Variants in SLC29A1 observed in about 807,000 individuals in gnomAD.
SLC29A1 encodes solute carrier family 29 member 1 (Augustine blood group).
In SLC29A1, 22 loss-of-function variants were observed where a neutral mutation model predicts 48.3. The ratio of observed to expected loss-of-function variants is 0.46; its 90% CI spans 0.33 to 0.65. The LOEUF (loss-of-function observed/expected upper bound fraction) is 0.65, where lower values mean the gene tolerates loss of function less well. Ranked by LOEUF, SLC29A1 falls within the 30% of genes least tolerant of loss-of-function variation. The pLI is 0.03. For missense variants in SLC29A1, 491 were observed against 575.3 expected, an observed-to-expected ratio of 0.85 and a Z score of 1.50; for synonymous variants, 228 against 231.0, an observed-to-expected ratio of 0.99 and a Z score of 0.12.
rs768360335 is a variant in SLC29A1, at chr6:44,232,376, C to T, written c.1007C>T (p.Thr336Ile). 2 of 1,613,718 alleles carry T rather than the reference C, an allele frequency of 1.2e-6. No homozygotes were observed. The highest frequency in any genetic ancestry group is 2.2e-5 in the East Asian group (1 of 44,880). The change falls in exon 11 of 13, where the codon ACT (threonine) becomes ATT (isoleucine). Residue 336 changes from threonine (T) to isoleucine (I), a missense_variant. Thr to Ile is a moderately conservative substitution (Grantham distance 89). Transcript: ENST00000371755. This position sits in a 1 kb window ranked among gnomAD's most constrained non-coding sequence, Gnocchi z 4.7. ...TTCATTCCTGTGTCCTGTTTCTTGA[C>T]TTTCAATATCTTTGACTGGTTGGGC... ...RYFIPVSCFL[T>I]FNIFDWLGRS...
intron 1 of SLC29A1, chr6:44,227,060 G>A (rs894728352): frequency 7.3e-7 from 1 of 1,368,016 alleles, no homozygotes; most frequent in Non-Finnish European, 9.4e-7. Flanking sequence ...AGCAGGCAGG[G>A]GGGCCGCGCA....
rs371621321 is a variant in SLC29A1 at position 44,233,464 on chromosome 6, T to C, written c.1307T>C (p.Phe436Ser). The C allele has an allele frequency of 1.2e-6, 2 of 1,614,036 alleles. No individual in the cohort carries two copies. The highest frequency in any genetic ancestry group is 2.2e-5 in the East Asian group (1 of 44,894). Residue 436 changes from phenylalanine to serine, a missense_variant, in exon 13 of 13, where the codon TTC becomes TCC. Transcript: ENST00000371755. ...GAGACCGCAGGAGCCATCATGGCCT[T>C]CTTCCTGTGTCTGGGTCTGGCACTG... ...EAETAGAIMA[F>S]FLCLGLALGA... is the part of the protein sequence containing the mutation.
Position 44,230,418 on chromosome 6 carries a change from A to G in SLC29A1, c.526A>G (p.Ile176Val), listed in dbSNP as rs1778562299. The G allele has an allele frequency of 6.2e-7, 1 of 1,613,980 alleles. No homozygotes were observed. The highest frequency in any genetic ancestry group is 1.3e-5 in the African/African-American group (1 of 74,926). ...TCTGCCTGCCAGCTACACGGCCCCCATCATGAGTGGCCAGGGCCTAGCAGG... is the reference window on the plus strand; with the variant it reads ...TCTGCCTGCCAGCTACACGGCCCCCGTCATGAGTGGCCAGGGCCTAGCAGG... Reference protein sequence around the residue: ...GLLPASYTAPIMSGQGLAGFF... With the variant: ...GLLPASYTAPVMSGQGLAGFF... Residue 176 changes from isoleucine (I) to valine (V), a missense_variant, in exon 6 of 13, where the codon ATC becomes GTC. By Grantham distance (29) the Ile-to-Val change is conservative. Coordinates refer to ENST00000371755, the MANE Select transcript of SLC29A1 (RefSeq NM_001372327.1).
upstream of SLC29A1, chr6:44,223,422 T>G: frequency 2.2e-6 from 1 of 464,272 alleles, no homozygotes; most frequent in Non-Finnish European, 2.6e-6. This position sits in a 1 kb window ranked among gnomAD's most constrained non-coding sequence, Gnocchi z 5.0. Flanking sequence ...CAGGCGGCCC[T>G]GGGGGCGCAG....
At chr6:44,224,240 A>G (rs369164392) in intron 1 of SLC29A1, among the ~76,000 whole-genome samples, 1 of 150,948 alleles carries the variant, frequency 6.6e-6, no homozygotes, top group Non-Finnish European at 1.5e-5. Context: ...GCTGGCTCCA[A>G]CCCTGCCCTC....
Position 44,232,015 on chromosome 6 carries a change from C to G in SLC29A1, c.882C>G (p.Phe294Leu). ...CTATCTAGATCTCAGTCCTGGCTTT[C>G]TCTGTCTGCTTCATCTTCACTATCA... Reference protein sequence around the residue: ...AILKNISVLAFSVCFIFTITI... With the variant: ...AILKNISVLALSVCFIFTITI... Residue 294 changes from phenylalanine (F) to leucine (L), a missense_variant, in exon 10 of 13, where the codon TTC becomes TTG. Coordinates refer to ENST00000371755, the MANE Select transcript of SLC29A1 (RefSeq NM_001372327.1). The surrounding 1 kb of genome is among the most constrained non-coding windows in gnomAD (Gnocchi z 4.7). The G allele has an allele frequency of 5.0e-6, 8 of 1,613,738 alleles. No individual in the cohort carries two copies. Among genetic ancestry groups the G allele is most frequent in the East Asian group, 2.2e-5 (1 of 44,870 alleles).
rs779732189 is a variant in SLC29A1 at position 44,229,828 on chromosome 6, C to G, written c.314+37C>G. 10 of 1,609,892 alleles carry G rather than the reference C, an allele frequency of 6.2e-6. No individual in the cohort carries two copies. In the African/African-American group the frequency reaches 1.2e-4, roughly 19 times the overall value. ...CCCCCTCCCCAGCCCCCAGCCTGAC[C>G]CTCACTGTGTCCTGCACCCCCTTGG... On this transcript the variant is annotated intron_variant, in intron 4 of 12. Transcript: ENST00000371755. The surrounding 1 kb of genome is among the most constrained non-coding windows in gnomAD (Gnocchi z 5.1).
In SLC29A1 at chr6:44,223,804, C is replaced by G. The variant is rs1447360976; in HGVS notation, c.-52+163C>G. Reference sequence around the variant, plus strand: ...GCGGAGCGTGCGGAGCCGCGCAGCACGTGGCGCGCACGGGCCAGGGAGCCT... The same window carrying G: ...GCGGAGCGTGCGGAGCCGCGCAGCAGGTGGCGCGCACGGGCCAGGGAGCCT... On this transcript the variant is annotated intron_variant, in intron 1 of 12. Transcript: ENST00000371755. This position sits in a 1 kb window ranked among gnomAD's most constrained non-coding sequence, Gnocchi z 5.0. The G allele has an allele frequency of 9.8e-7, 1 of 1,019,048 alleles. No homozygotes were observed. The highest frequency in any genetic ancestry group is 1.7e-5 in the African/African-American group (1 of 57,382). The allele number at this position is 1,019,048 out of a possible 1,614,324, so 63.1% of individuals were successfully genotyped here. A position where few individuals can be genotyped will look rare whatever the true frequency, so the allele number is the denominator to read the frequency against.
Position 44,232,652 on chromosome 6 carries a change from A to G in SLC29A1, c.1060-155A>G, listed in dbSNP as rs1375635651. On this transcript the variant is annotated intron_variant, in intron 11 of 12. Coordinates refer to ENST00000371755, the MANE Select transcript of SLC29A1 (RefSeq NM_001372327.1). This position sits in a 1 kb window ranked among gnomAD's most constrained non-coding sequence, Gnocchi z 4.7. The stretch of plus-strand genomic sequence containing the variant: ...ATGTAGAATATTTCCAGCACTCCAG[A>G]AGGCTCCACCATGCCCCTTTCAAGA... 4 of 699,390 alleles carry G rather than the reference A, an allele frequency of 5.7e-6. No homozygotes were observed. The highest frequency in any genetic ancestry group is 9.7e-6 in the Non-Finnish European group (4 of 412,356). 43.3% of individuals were successfully genotyped at this position (699,390 alleles called of 1,614,324 possible).
At chr6:44,228,941 C>T (rs1370097260) in intron 2 of SLC29A1, among the ~76,000 whole-genome samples, 2 of 152,230 alleles carry the variant, frequency 1.3e-5, no homozygotes, top group African/African-American at 2.4e-5. Flanking sequence ...AGAATCCTCT[C>T]TGGGGAGTAA....
In SLC29A1 at chr6:44,229,179, C is replaced by G. The variant is rs1778259133; in HGVS notation, c.30-211C>G. 6.6e-6 allele frequency among the ~76,000 whole-genome samples: 1 copy of G among 152,200 alleles called. No individual in the cohort carries two copies. Among genetic ancestry groups the G allele is most frequent in the Admixed American group, 6.5e-5 (1 of 15,288 alleles). Reference sequence around the variant, plus strand: ...AGCCATGCCATTCAGTCCTATGACCCTGACCCCATCCCCACCCCAAATTCC... The same window carrying G: ...AGCCATGCCATTCAGTCCTATGACCGTGACCCCATCCCCACCCCAAATTCC... On this transcript the variant is annotated intron_variant, in intron 2 of 12. Coordinates refer to ENST00000371755, the MANE Select transcript of SLC29A1 (RefSeq NM_001372327.1). This position sits in a 1 kb window ranked among gnomAD's most constrained non-coding sequence, Gnocchi z 5.1.
chr6:44,232,765 T>C lies in SLC29A1; in HGVS notation c.1060-42T>C. 1.3e-6 allele frequency: 2 copies of C among 1,586,784 alleles called. No individual in the cohort carries two copies. Among genetic ancestry groups the C allele is most frequent in the Non-Finnish European group, 1.7e-6 (2 of 1,166,886 alleles). ...GATCCTTGGGGGCCTGGCTGTGCCC[T>C]GGGGTGGCGGCCTGGGCTGAGGCCC... On this transcript the variant is annotated intron_variant, in intron 11 of 12. Transcript: ENST00000371755. This position sits in a 1 kb window ranked among gnomAD's most constrained non-coding sequence, Gnocchi z 4.7.
At chr6:44,221,507 G>A (rs536501386), upstream of SLC29A1, 7 of 690,626 alleles carry the variant, frequency 1.0e-5, no homozygotes, top group South Asian at 6.1e-5. The surrounding 1 kb of genome is among the most constrained non-coding windows in gnomAD (Gnocchi z 4.2). Flanking sequence ...GCCAAGCCAC[G>A]GTCCCATATA....
upstream of SLC29A1, among the ~76,000 whole-genome samples, chr6:44,222,812 C>T (rs541479874): frequency 6.6e-6 from 1 of 152,370 alleles, no homozygotes; most frequent in East Asian, 1.9e-4. Context: ...AAGGCTGTTC[C>T]TAGCTTTTTC....
At chr6:44,226,655 C>A in intron 1 of SLC29A1, 10 of 776,510 alleles carry the variant, frequency 1.3e-5, no homozygotes, top group Non-Finnish European at 1.6e-5. Flanking sequence ...CAGGAGAGGA[C>A]AGCCCCACTC....
intron 1 of SLC29A1, among the ~76,000 whole-genome samples, chr6:44,225,416 G>C (rs539528033): frequency 2.0e-5 from 3 of 150,508 alleles, no homozygotes; most frequent in African/African-American, 7.3e-5. Flanking sequence ...TGAGGCAGGA[G>C]AATCACTTGA....
At position 44,229,207 on chromosome 6, in the gene SLC29A1, C is replaced by A. The variant is rs929999513; in HGVS notation, c.30-183C>A. Among the ~76,000 whole-genome samples, 5 of 152,040 alleles carry A rather than the reference C, an allele frequency of 3.3e-5. No individual in the cohort carries two copies. Among genetic ancestry groups the A allele is most frequent in the African/African-American group, 1.2e-4 (5 of 41,432 alleles). ...ACCCCATCCCCACCCCAAATTCCAA[C>A]GAGCAATGTACCCTTTTCTCCCCCC... On this transcript the variant is annotated intron_variant, in intron 2 of 12. Transcript: ENST00000371755. This position sits in a 1 kb window ranked among gnomAD's most constrained non-coding sequence, Gnocchi z 5.1.
In SLC29A1 at chr6:44,223,678, G is replaced by T; in HGVS notation, c.-52+37G>T. ...GGCCGGGGACTGGGGACTGGGGACTGCCGGGGCGGAAGACGCCGCTGCCCG... is the reference window on the plus strand; with the variant it reads ...GGCCGGGGACTGGGGACTGGGGACTTCCGGGGCGGAAGACGCCGCTGCCCG... On this transcript the variant is annotated intron_variant, in intron 1 of 12. Transcript: ENST00000371755. The surrounding 1 kb of genome is among the most constrained non-coding windows in gnomAD (Gnocchi z 5.0). 1 of 1,148,822 alleles carries T rather than the reference G, an allele frequency of 8.7e-7. No individual in the cohort carries two copies. Among genetic ancestry groups the T allele is most frequent in the Non-Finnish European group, 1.1e-6 (1 of 914,966 alleles). The allele number at this position is 1,148,822 out of a possible 1,614,324, so 71.2% of individuals were successfully genotyped here.
rs753208727 is a variant in SLC29A1, at chr6:44,227,291, G to A, written c.-23G>A. 3.7e-6 allele frequency: 6 copies of A among 1,613,950 alleles called. No homozygotes were observed. The Admixed American group carries it at 1.0e-4, about 27-fold the overall frequency. ...CCTGAGGGAGGGAGCTGTCAGCCAGGGAAAACCGAGAACACCATCACCATG... is the reference window on the plus strand; with the variant it reads ...CCTGAGGGAGGGAGCTGTCAGCCAGAGAAAACCGAGAACACCATCACCATG... On this transcript the variant is annotated 5_prime_UTR_variant, in exon 2 of 13. Transcript: ENST00000371755.
Sources: allele counts gnomAD v4.1 joint callset (sites outside exome capture counted in the v4.1 genomes callset), GRCh38; gene constraint gnomAD v4.1.1; non-coding constraint Gnocchi (gnomAD v3.1); transcripts MANE v1.5; gene names NCBI Gene and HGNC (gene_info 2026-07-23, HGNC 2026-07-21).